The following ACSL1 variants were observed in gnomAD, a reference collection of about 807,000 sequenced individuals.
ACSL1 encodes acyl-CoA synthetase long chain family member 1.
Under a neutral mutation model 98.4 loss-of-function variants are expected in ACSL1, and 41 were observed. The ratio of observed to expected loss-of-function variants is 0.42; its 90% confidence interval spans 0.32 to 0.54. The LOEUF (loss-of-function observed/expected upper bound fraction) is 0.54, where lower values mean the gene tolerates loss of function less well. Ranked by LOEUF, ACSL1 falls within the 20% of genes least tolerant of loss-of-function variation. The pLI is 0.13. For synonymous variants in ACSL1, 316 were observed against 322.7 expected, an observed-to-expected ratio of 0.98 and a Z score of 0.22; for missense variants, 734 against 883.1, an observed-to-expected ratio of 0.83 and a Z score of 2.14.
rs946580843 is a variant in ACSL1 at position 184,825,754 on chromosome 4, C to T, written c.-33+162G>A. 6.7e-6 allele frequency among the ~76,000 whole-genome samples: 1 copy of T among 149,734 alleles called. No homozygotes were observed. Among genetic ancestry groups the T allele is most frequent in the Non-Finnish European group, 1.5e-5 (1 of 67,026 alleles). The stretch of plus-strand genomic sequence containing the variant: ...GGAAGCGGGGCCGCGGGCAGGAGGC[C>T]GGAAAGGCGGCGCGGCCCCACGAGC... On this transcript the variant is annotated intron_variant, in intron 1 of 20. Coordinates refer to ENST00000281455, the MANE Select transcript of ACSL1 (RefSeq NM_001995.5). The surrounding 1 kb of genome is among the most constrained non-coding windows in gnomAD (Gnocchi z 4.7).
chr4:184,808,566 T>G, intron 1 of ACSL1: 186 of 856,432 alleles, frequency 2.2e-4, no homozygotes, highest in Middle Eastern at 5.9e-4. Flanking sequence ...CCTTGTACAA[T>G]AGGCTATTTA....
Position 184,758,782 on chromosome 4 carries a change from T to C in ACSL1, c.1783-862A>G, listed in dbSNP as rs563135751. On this transcript the variant is annotated intron_variant, in intron 18 of 20. Coordinates refer to ENST00000281455, the MANE Select transcript of ACSL1 (RefSeq NM_001995.5). ...AACTTTTTCTTTTTTTTTTAAATTATACTTTAAGTTTTAGGGTACATGTGC... is the reference window on the plus strand; with the variant it reads ...AACTTTTTCTTTTTTTTTTAAATTACACTTTAAGTTTTAGGGTACATGTGC... The C allele has an allele frequency of 9.2e-5, 14 of 152,334 alleles. No individual in the cohort carries two copies. The South Asian group carries it at 1.4e-3, about 16-fold the overall frequency. 9.4% of individuals were successfully genotyped at this position (152,334 alleles called of 1,614,324 possible).
intron 1 of ACSL1, among the ~76,000 whole-genome samples, chr4:184,817,618 G>A (rs1025665400): frequency 1.3e-5 from 2 of 152,144 alleles, no homozygotes; most frequent in Admixed American, 1.3e-4. Flanking sequence ...GAGGCACCCT[G>A]AAATGCGTGC....
At chr4:184,820,558 C>T (rs1009690026) in intron 1 of ACSL1, among the ~76,000 whole-genome samples, 8 of 152,052 alleles carry the variant, frequency 5.3e-5, no homozygotes, top group Non-Finnish European at 8.8e-5. Context: ...CGAAGGAGAC[C>T]CAGCTCTGTC....
chr4:184,757,792 G>C lies in ACSL1; in HGVS notation c.1884+27C>G. On this transcript the variant is annotated intron_variant, in intron 19 of 20. Transcript: ENST00000281455. This position sits in a 1 kb window ranked among gnomAD's most constrained non-coding sequence, Gnocchi z 4.5. ...ACATTTAATGCCAAGTTATGATGAG[G>C]ACAGACTGGACCCTTCAGAACCTTA... 1 of 1,612,134 alleles carries C rather than the reference G, an allele frequency of 6.2e-7. No individual in the cohort carries two copies. The highest frequency in any genetic ancestry group is 1.3e-5 in the African/African-American group (1 of 74,982).
rs531416199 is a variant in ACSL1 at position 184,777,832 on chromosome 4, G to A, written c.478-849C>T. ...GGGAGGCAGGGAGATGCTAACAGAG[G>A]GGATGGCAGGATCAAAAGCAGGGGT... On this transcript the variant is annotated intron_variant, in intron 5 of 20. Coordinates refer to ENST00000281455, the MANE Select transcript of ACSL1 (RefSeq NM_001995.5). Among the ~76,000 whole-genome samples, 3 of 152,050 alleles carry A rather than the reference G, an allele frequency of 2.0e-5. No homozygotes were observed. In the South Asian group the frequency reaches 6.2e-4, roughly 32 times the overall value.
At chr4:184,771,509 A>G (rs1331414866) in intron 10 of ACSL1, among the ~76,000 whole-genome samples, 6 of 152,188 alleles carry the variant, frequency 3.9e-5, no homozygotes, top group Non-Finnish European at 8.8e-5. Context: ...GGCACCCAGG[A>G]ATTTGCTCTC....
In ACSL1 at chr4:184,804,580, C is replaced by CA. The variant is rs1011387853; in HGVS notation, c.-32-1035dup. Among the ~76,000 whole-genome samples, 4 of 117,498 alleles carry CA rather than the reference C, an allele frequency of 3.4e-5. No homozygotes were observed. In the South Asian group the frequency reaches 9.1e-4, roughly 27 times the overall value. The allele number at this position is 117,498 out of a possible 152,430, so 77.1% of individuals were successfully genotyped here. On this transcript the variant is annotated intron_variant, in intron 1 of 20. Coordinates refer to ENST00000281455, the MANE Select transcript of ACSL1 (RefSeq NM_001995.5). ...TGGGCAACAAAGTGAGACCCCGTCT[C>CA]AAAAAAGAAAAAAAAAAAAAAAGAC...
chr4:184,787,666 C>T (rs190066461), intron 3 of ACSL1, among the ~76,000 whole-genome samples: 9 of 151,852 alleles, frequency 5.9e-5, no homozygotes, highest in African/African-American at 2.2e-4. Context: ...GAGTTTGAGA[C>T]CAGCCTGACC....
chr4:184,780,505 G>T, intron 4 of ACSL1, 72 bp from the exon 5 acceptor site: 1 of 1,100,622 alleles, frequency 9.1e-7, no homozygotes, highest in Non-Finnish European at 1.4e-6. Flanking sequence ...CCAGACGGCA[G>T]GCTTGTATCT....
chr4:184,825,161 C>T lies in ACSL1; in HGVS notation c.-33+755G>A, dbSNP rs1299073247. ...GGAAGGGGTTTCCACACTCTCACAA[C>T]GCACCGACTGGGGGAACGCCTGTCC... On this transcript the variant is annotated intron_variant, in intron 1 of 20. Transcript: ENST00000281455. The surrounding 1 kb of genome is among the most constrained non-coding windows in gnomAD (Gnocchi z 4.7). 1.2e-5 allele frequency: 12 copies of T among 985,108 alleles called. No homozygotes were observed. Among genetic ancestry groups the T allele is most frequent in the Non-Finnish European group, 1.3e-5 (11 of 829,772 alleles). 61.0% of individuals were successfully genotyped at this position (985,108 alleles called of 1,614,324 possible).
In ACSL1 at chr4:184,813,332, G is replaced by A. The variant is rs72695684; in HGVS notation, c.-32-9786C>T. On this transcript the variant is annotated intron_variant, in intron 1 of 20. Transcript: ENST00000281455. ...ACTGTTGTAGATATGTCACAATGAG[G>A]CAGATAAGTTTACTGATAAGAGCTA... is the stretch of plus-strand genomic sequence containing the variant. Among the ~76,000 whole-genome samples, 330 of 152,294 alleles carry A rather than the reference G, an allele frequency of 2.2e-3. 1 individual carries two copies. Among genetic ancestry groups the A allele is most frequent in the Non-Finnish European group, 3.5e-3 (239 of 68,024 alleles).
chr4:184,765,865 A>C (rs1323255528), intron 14 of ACSL1, 26 bp downstream of exon 14: 1 of 1,603,888 alleles, frequency 6.2e-7, no homozygotes, highest in South Asian at 1.1e-5. Flanking sequence ...GTGTGGGAGA[A>C]TCAGGCGCCG....
At chr4:184,776,770 G>T (rs1765355375) in intron 6 of ACSL1, 108 bp from the exon 7 acceptor site, 1 of 1,479,174 alleles carries the variant, frequency 6.8e-7, no homozygotes, top group Non-Finnish European at 9.2e-7. Flanking sequence ...TGAATAAAAA[G>T]GTAGATATAT....
At position 184,769,338 on chromosome 4, in the gene ACSL1, T is replaced by C. The variant is rs374363814; in HGVS notation, c.994-888A>G. ...GTACAAACCATGCTGGCAAGCCATA[T>C]GGACCTGACAGTTTGCCTATTTTAA... On this transcript the variant is annotated intron_variant, in intron 11 of 20. Coordinates refer to ENST00000281455, the MANE Select transcript of ACSL1 (RefSeq NM_001995.5). Among the ~76,000 whole-genome samples, 28 of 152,272 alleles carry C rather than the reference T, an allele frequency of 1.8e-4. No homozygotes were observed. The East Asian group carries it at 2.7e-3, about 15-fold the overall frequency.
intron 1 of ACSL1, among the ~76,000 whole-genome samples, chr4:184,806,290 C>A (rs1771411847): frequency 6.6e-6 from 1 of 152,218 alleles, no homozygotes; most frequent in South Asian, 2.1e-4. Context: ...GTTCAGATTT[C>A]AGAAACAGTA....
chr4:184,826,153 G>A (rs1192437157), upstream of ACSL1: 2 of 148,254 alleles, frequency 1.3e-5, no homozygotes, highest in Non-Finnish European at 1.5e-5. Context: ...CCGCCCCGCC[G>A]AGCGCCCGGC....
At chr4:184,802,339 A>G (rs1770665111) in intron 2 of ACSL1, among the ~76,000 whole-genome samples, 1 of 152,210 alleles carries the variant, frequency 6.6e-6, no homozygotes, top group Non-Finnish European at 1.5e-5. Context: ...GGAAGGGCAC[A>G]CACTCCCTCT....
chr4:184,764,724 A>G, intron 15 of ACSL1, 129 bp downstream of exon 15: 1 of 805,876 alleles, frequency 1.2e-6, no homozygotes, highest in Non-Finnish European at 1.9e-6. Context: ...CCCAGAGCCT[A>G]ATGATCAGAA....
Sources: allele counts gnomAD v4.1 joint callset (sites outside exome capture counted in the v4.1 genomes callset), GRCh38; gene constraint gnomAD v4.1.1; non-coding constraint Gnocchi (gnomAD v3.1); transcripts MANE v1.5; gene names NCBI Gene and HGNC (gene_info 2026-07-23, HGNC 2026-07-21).